Variants in DLL4 observed in about 807,000 individuals in gnomAD.
DLL4 encodes delta like canonical Notch ligand 4.
Under a neutral mutation model 73.6 loss-of-function variants are expected in DLL4, and 7 were observed. That is an observed-to-expected ratio of 0.10 (90% CI 0.05 to 0.18). The LOEUF is 0.18. Ranked by LOEUF, DLL4 falls within the 10% of genes least tolerant of loss-of-function variation. The pLI, the probability that DLL4 is intolerant of heterozygous loss-of-function variation, is 1.00. For missense variants in DLL4, 614 were observed against 929.9 expected (o/e 0.66, Z 4.42); for synonymous variants, 345 against 374.3 (o/e 0.92, Z 0.90).
chr15:40,930,604 TC>T lies in DLL4; in HGVS notation c.337-15del, dbSNP rs1170786965. 1.2e-6 allele frequency: 2 copies of T among 1,608,578 alleles called. No individual in the cohort carries two copies. The highest frequency in any genetic ancestry group is 4.5e-5 in the East Asian group (2 of 44,776). On this transcript the variant is annotated intron_variant, in intron 2 of 10. Coordinates refer to ENST00000249749, the MANE Select transcript of DLL4 (RefSeq NM_019074.4). This position sits in a 1 kb window ranked among gnomAD's most constrained non-coding sequence, Gnocchi z 5.7. ...GCTTGCTCATCTCGCCATCTCTCCG[TC>T]CCCCCACCCCCTTTCCCAGGGTACC...
At chr15:40,933,265 G>GTAT (rs1892794531) in intron 6 of DLL4, among the ~76,000 whole-genome samples, 2 of 135,344 alleles carry the variant, frequency 1.5e-5, no homozygotes, top group Admixed American at 7.8e-5. Flanking sequence ...TTCAGTCCCT[G>GTAT]TGTTGTGTGT....
Position 40,929,652 on chromosome 15 carries a change from G to C in DLL4, c.-17G>C, listed in dbSNP as rs752526172. ...CAGATTGAGGGCCCGCGGGTGGAGA[G>C]AGCGACGCCCGAGGGGATGGCGGCA... On this transcript the variant is annotated 5_prime_UTR_variant, in exon 1 of 11. Coordinates refer to ENST00000249749, the MANE Select transcript of DLL4 (RefSeq NM_019074.4). The surrounding 1 kb of genome is among the most constrained non-coding windows in gnomAD (Gnocchi z 7.1). The C allele has an allele frequency of 1.3e-6, 2 of 1,522,508 alleles. No individual in the cohort carries two copies. The highest frequency in any genetic ancestry group is 2.3e-5 in the East Asian group (1 of 43,560). The allele number at this position is 1,522,508 out of a possible 1,614,324, so 94.3% of individuals were successfully genotyped here.
chr15:40,930,087 C>T lies in DLL4; in HGVS notation c.307C>T (p.Leu103Phe). 1 of 1,606,634 alleles carries T rather than the reference C, an allele frequency of 6.2e-7. No individual in the cohort carries two copies. The highest frequency in any genetic ancestry group is 8.5e-7 in the Non-Finnish European group (1 of 1,177,424). The part of the protein sequence containing the change: ...DDSSGGGRNP[L>F]QLPFNFTWPG... ...CAGTAGCGGCGGGGGGCGCAACCCT[C>T]TCCAACTGCCCTTCAATTTCACCTG... is the stretch of plus-strand genomic sequence containing the variant. The change falls in exon 2 of 11, where the codon CTC becomes TTC. Residue 103 changes from leucine (L) to phenylalanine (F), a missense_variant. By Grantham distance (22) the Leu-to-Phe change is conservative (BLOSUM62 0). Transcript: ENST00000249749. The surrounding 1 kb of genome is among the most constrained non-coding windows in gnomAD (Gnocchi z 5.7).
rs1412020704 is a variant in DLL4, at chr15:40,930,864, G to T, written c.394+182G>T. On this transcript the variant is annotated intron_variant, in intron 3 of 10. Coordinates refer to ENST00000249749, the MANE Select transcript of DLL4 (RefSeq NM_019074.4). This position sits in a 1 kb window ranked among gnomAD's most constrained non-coding sequence, Gnocchi z 5.7. Reference sequence around the variant, plus strand: ...CGCTGCCTGGACTCAGAGCACAATTGCGTTTCCTGCGGGTTATTTTTGGCG... The same window carrying T: ...CGCTGCCTGGACTCAGAGCACAATTTCGTTTCCTGCGGGTTATTTTTGGCG... The T allele has an allele frequency of 7.8e-6, 5 of 639,842 alleles. No homozygotes were observed. The East Asian group carries it at 1.4e-4, about 18-fold the overall frequency. The allele number at this position is 639,842 out of a possible 1,614,324, so 39.6% of individuals were successfully genotyped here.
Position 40,930,435 on chromosome 15 carries a change from C to T in DLL4, c.337-190C>T, listed in dbSNP as rs1256997053. 1 of 657,330 alleles carries T rather than the reference C, an allele frequency of 1.5e-6. No homozygotes were observed. The highest frequency in any genetic ancestry group is 1.8e-5 in the African/African-American group (1 of 55,016). The allele number at this position is 657,330 out of a possible 1,614,324, so 40.7% of individuals were successfully genotyped here. A position where few individuals can be genotyped will look rare whatever the true frequency, so the allele number is the denominator to read the frequency against. On this transcript the variant is annotated intron_variant, in intron 2 of 10. Coordinates refer to ENST00000249749, the MANE Select transcript of DLL4 (RefSeq NM_019074.4). This position sits in a 1 kb window ranked among gnomAD's most constrained non-coding sequence, Gnocchi z 5.7. ...TTACACTCTCCCGTCTCTCAACCCT[C>T]CCTCTACCGGGGGTTCTCCTCTCGC...
At chr15:40,935,490 G>A (rs1220538807) in intron 8 of DLL4, among the ~76,000 whole-genome samples, 1 of 152,228 alleles carries the variant, frequency 6.6e-6, no homozygotes, top group East Asian at 1.9e-4. Flanking sequence ...GCTCCTGGAG[G>A]CCTCATCTTG....
At chr15:40,935,302 A>G (rs1172016812) in intron 8 of DLL4, among the ~76,000 whole-genome samples, 185 bp downstream of exon 8, 1 of 152,218 alleles carries the variant, frequency 6.6e-6, no homozygotes, top group Admixed American at 6.5e-5. Context: ...AGTTGCACGC[A>G]GGCCTTAGGA....
Position 40,929,536 on chromosome 15 carries a change from C to A in DLL4, c.-133C>A. The A allele has an allele frequency of 1.2e-6, 1 of 866,236 alleles. No individual in the cohort carries two copies. The highest frequency in any genetic ancestry group is 1.7e-6 in the Non-Finnish European group (1 of 584,154). The allele number at this position is 866,236 out of a possible 1,614,324, so 53.7% of individuals were successfully genotyped here. The stretch of plus-strand genomic sequence containing the variant: ...AGCTGCAGCGGAGCCAGCGAGAAGG[C>A]CAAAGGGGAGCAGCGTCCCGAGAGG... On this transcript the variant is annotated 5_prime_UTR_variant, in exon 1 of 11. Transcript: ENST00000249749. This position sits in a 1 kb window ranked among gnomAD's most constrained non-coding sequence, Gnocchi z 7.1.
chr15:40,935,016 G>A lies in DLL4; in HGVS notation c.1139G>A (p.Arg380His), dbSNP rs775633553. The stretch of plus-strand genomic sequence containing the variant: ...TTCAATGGGGGCTCCTGCCGGGAGC[G>A]CAACCAGGGGGCCAACTATGCTTGT... The part of the protein sequence containing the change: ...PCFNGGSCRE[R>H]NQGANYACEC... The change falls in exon 8 of 11, where the codon CGC (arginine) becomes CAC (histidine). Residue 380 changes from arginine (R) to histidine (H), a missense_variant. Arg to His is a conservative substitution (Grantham distance 29). This residue lies in a region of DLL4 where 386 missense variants were observed against 541.3 expected (regional missense o/e 0.71). Transcript: ENST00000249749. 1.2e-5 allele frequency: 20 copies of A among 1,613,372 alleles called. No homozygotes were observed. Among genetic ancestry groups the A allele is most frequent in the Admixed American group, 3.3e-5 (2 of 60,008 alleles).
In DLL4 at chr15:40,938,071, CGGCT is replaced by C. The variant is rs1341285736; in HGVS notation, c.*40_*43del. On this transcript the variant is annotated 3_prime_UTR_variant, in exon 11 of 11. Coordinates refer to ENST00000249749, the MANE Select transcript of DLL4 (RefSeq NM_019074.4). The stretch of plus-strand genomic sequence containing the variant: ...ACCTGGACATCCCTGCTCAGCCCCG[CGGCT>C]GGACCTTCCTTCTGCATTGTTTACA... 6.6e-7 allele frequency: 1 copy of C among 1,523,106 alleles called. No homozygotes were observed. The highest frequency in any genetic ancestry group is 2.2e-5 in the Admixed American group (1 of 44,960). The allele number at this position is 1,523,106 out of a possible 1,614,324, so 94.3% of individuals were successfully genotyped here.
At position 40,936,558 on chromosome 15, in the gene DLL4, C is replaced by T. The variant is rs757313247; in HGVS notation, c.1571C>T (p.Pro524Leu). 27 of 1,609,496 alleles carry T rather than the reference C, an allele frequency of 1.7e-5. No homozygotes were observed. Among genetic ancestry groups the T allele is most frequent in the South Asian group, 4.4e-5 (4 of 90,634 alleles). ...GSRCEFPVGLPPSFPWVAVSL... is the reference protein window; with the variant it reads ...GSRCEFPVGLLPSFPWVAVSL... ...CGCTGCGAGTTCCCCGTGGGCTTGC[C>T]GCCCAGCTTCCCCTGGGTGGCCGTC... Residue 524 changes from proline to leucine, a missense_variant, in exon 9 of 11, where the codon CCG becomes CTG. Physicochemically the swap from Pro to Leu is moderately conservative, Grantham distance 98. This residue lies in a region of DLL4 where 386 missense variants were observed against 541.3 expected (regional missense o/e 0.71). Transcript: ENST00000249749.
At position 40,938,233 on chromosome 15, in the gene DLL4, G is replaced by C; in HGVS notation, c.*199G>C. 2 of 487,964 alleles carry C rather than the reference G, an allele frequency of 4.1e-6. No individual in the cohort carries two copies. Among genetic ancestry groups the C allele is most frequent in the South Asian group, 8.6e-5 (2 of 23,212 alleles). 30.2% of individuals were successfully genotyped at this position (487,964 alleles called of 1,614,324 possible). The stretch of plus-strand genomic sequence containing the variant: ...TTCCACACCTTTGGGTGTCTGTCTG[G>C]CATCAGATTGGCAGCTGCACCAACC... On this transcript the variant is annotated 3_prime_UTR_variant, in exon 11 of 11. Coordinates refer to ENST00000249749, the MANE Select transcript of DLL4 (RefSeq NM_019074.4).
At position 40,938,042 on chromosome 15, in the gene DLL4, G is replaced by A. The variant is rs776770320; in HGVS notation, c.*8G>A. 3.8e-6 allele frequency: 6 copies of A among 1,579,584 alleles called. No individual in the cohort carries two copies. The highest frequency in any genetic ancestry group is 5.2e-6 in the Non-Finnish European group (6 of 1,164,714). On this transcript the variant is annotated 3_prime_UTR_variant, in exon 11 of 11. Coordinates refer to ENST00000249749, the MANE Select transcript of DLL4 (RefSeq NM_019074.4). ...GCTTGCTCCCAGGTATAAGGCAGGA[G>A]CCTACCTGGACATCCCTGCTCAGCC...
In DLL4 at chr15:40,930,594, C is replaced by T. The variant is rs777677482; in HGVS notation, c.337-31C>T. ...ACCTCTCCCCGCTTGCTCATCTCGCCATCTCTCCGTCCCCCCACCCCCTTT... is the reference window on the plus strand; with the variant it reads ...ACCTCTCCCCGCTTGCTCATCTCGCTATCTCTCCGTCCCCCCACCCCCTTT... On this transcript the variant is annotated intron_variant, in intron 2 of 10. Transcript: ENST00000249749. This position sits in a 1 kb window ranked among gnomAD's most constrained non-coding sequence, Gnocchi z 5.7. The T allele has an allele frequency of 3.7e-6, 6 of 1,607,912 alleles. No homozygotes were observed. In the African/African-American group the frequency reaches 5.3e-5, roughly 14 times the overall value.
At position 40,929,784 on chromosome 15, in the gene DLL4, A is replaced by G. The variant is rs760469031; in HGVS notation, c.66+50A>G. 2 of 1,606,508 alleles carry G rather than the reference A, an allele frequency of 1.2e-6. No homozygotes were observed. Among genetic ancestry groups the G allele is most frequent in the Admixed American group, 1.7e-5 (1 of 59,754 alleles). On this transcript the variant is annotated intron_variant, in intron 1 of 10. Transcript: ENST00000249749. The surrounding 1 kb of genome is among the most constrained non-coding windows in gnomAD (Gnocchi z 7.1). ...TCCCCTCTGCCGCGCTCTGGGCCTCAGCCCCGGGCACCAGCTGAGCTGACC... is the reference window on the plus strand; with the variant it reads ...TCCCCTCTGCCGCGCTCTGGGCCTCGGCCCCGGGCACCAGCTGAGCTGACC...
chr15:40,931,463 A>C (rs759239194), intron 3 of DLL4, 40 bp from the exon 4 acceptor site: 1 of 1,582,730 alleles, frequency 6.3e-7, no homozygotes, highest in Admixed American at 1.7e-5. Context: ...ACCCTTGGGG[A>C]CTGGCGACCC....
At position 40,934,356 on chromosome 15, in the gene DLL4, AAG is replaced by A. The variant is rs369129652; in HGVS notation, c.851-184_851-183del. Among the ~76,000 whole-genome samples, 681 of 151,418 alleles carry A rather than the reference AAG, an allele frequency of 4.5e-3. 8 individuals are homozygous for A. The highest frequency in any genetic ancestry group is 0.015 in the South Asian group (70 of 4,788). On this transcript the variant is annotated intron_variant, in intron 6 of 10. Coordinates refer to ENST00000249749, the MANE Select transcript of DLL4 (RefSeq NM_019074.4). Reference sequence around the variant, plus strand: ...AAAAAAAAAGAAGGAAAGAAAGAGAAAGAGAGAGAAAGAAAGAAAGAAAGAGA... The same window carrying A: ...AAAAAAAAAGAAGGAAAGAAAGAGAAAGAGAGAAAGAAAGAAAGAAAGAGA...
intron 3 of DLL4, chr15:40,931,223 C>T (rs1566878216): frequency 2.5e-5 from 13 of 515,716 alleles, no homozygotes; most frequent in Middle Eastern, 5.1e-4. Flanking sequence ...CTTTCCCCTC[C>T]CTATCTGCCT....
rs1385643117 is a variant in DLL4 at position 40,930,160 on chromosome 15, G to A, written c.336+44G>A. ...CACTGGGAGGTCGCAGAAGCCGAGAGAGGAGGCGCCCTGGGACCAAAGCCC... is the reference window on the plus strand; with the variant it reads ...CACTGGGAGGTCGCAGAAGCCGAGAAAGGAGGCGCCCTGGGACCAAAGCCC... On this transcript the variant is annotated intron_variant, in intron 2 of 10. Transcript: ENST00000249749. The surrounding 1 kb of genome is among the most constrained non-coding windows in gnomAD (Gnocchi z 5.7). 1.2e-5 allele frequency: 19 copies of A among 1,582,478 alleles called. No individual in the cohort carries two copies. Among genetic ancestry groups the A allele is most frequent in the Non-Finnish European group, 1.6e-5 (19 of 1,165,032 alleles).
Sources: gnomAD v4.1 joint callset for allele counts (sites outside exome capture counted in the v4.1 genomes callset) on GRCh38, gnomAD v4.1.1 for gene constraint, gnomAD v4.1.1 regional missense constraint, Gnocchi (gnomAD v3.1) non-coding constraint, MANE v1.5 for transcripts, NCBI Gene and HGNC (gene_info 2026-07-23, HGNC 2026-07-21) for gene names.